The following SLC8A1 variants were observed in gnomAD, a reference collection of about 807,000 sequenced individuals.
The protein encoded by SLC8A1 is sodium/calcium exchanger 1.
A neutral mutation model predicts 68.3 loss-of-function variants in SLC8A1; 18 were observed. That is an observed-to-expected ratio of 0.26 (90% CI 0.18 to 0.39). The LOEUF (loss-of-function observed/expected upper bound fraction) is 0.39. SLC8A1 is among the 10% of genes least tolerant of loss of function. The pLI is 1.00. For missense variants in SLC8A1, 985 were observed against 1,156.7 expected (o/e 0.85, Z 2.15); for synonymous variants, 475 against 415.5 (o/e 1.14, Z -1.74).
chr2:40,339,748 T>C (rs1667106114), intron 2 of SLC8A1, among the ~76,000 whole-genome samples: 1 of 152,180 alleles, frequency 6.6e-6, no homozygotes, highest in Non-Finnish European at 1.5e-5. Flanking sequence ...GAGTTGGGCA[T>C]TGTGAAATAC....
exon 3 of SLC8A1, chr2:40,177,778 G>C: frequency 6.5e-7 from 1 of 1,549,528 alleles, no homozygotes; most frequent in Non-Finnish European, 8.7e-7. Flanking sequence ...TATCCATTTT[G>C]GTTCCTCAAG....
chr2:40,452,552 C>T (rs954015103), upstream of SLC8A1, among the ~76,000 whole-genome samples: 1 of 152,202 alleles, frequency 6.6e-6, no homozygotes, highest in African/African-American at 2.4e-5. Context: ...CCCAATTCGC[C>T]TACCCGTTTC....
intron 7 of SLC8A1, chr2:40,117,133 A>C (rs1272956710): frequency 6.6e-6 from 1 of 152,160 alleles, no homozygotes; most frequent in Non-Finnish European, 1.5e-5. Context: ...ACACAATATA[A>C]ACCGAGCAGG....
chr2:40,385,013 T>C (rs559502819), intron 2 of SLC8A1, among the ~76,000 whole-genome samples: 1 of 152,184 alleles, frequency 6.6e-6, no homozygotes, highest in East Asian at 1.9e-4. Flanking sequence ...CTAAGTGATA[T>C]AGTACTTTCT....
intron 2 of SLC8A1, among the ~76,000 whole-genome samples, chr2:40,426,739 T>C (rs1240586749): frequency 6.6e-6 from 1 of 152,040 alleles, no homozygotes; most frequent in Non-Finnish European, 1.5e-5. Context: ...ATGAGTTCAT[T>C]TAACGACATG....
In SLC8A1 at chr2:40,119,539, A is replaced by C. The variant is rs140018897; in HGVS notation, c.2438-3910T>G. On this transcript the variant is annotated intron_variant, in intron 7 of 7. Coordinates refer to ENST00000406785, the Ensembl canonical transcript of SLC8A1. ...GCCCTACTTTGAACACTAAGCCTGT[A>C]ACCTGCCTATGGTTAAACCAGGCAA... 1.3e-3 allele frequency among the ~76,000 whole-genome samples: 195 copies of C among 152,318 alleles called. 1 individual carries two copies. Among genetic ancestry groups the C allele is most frequent in the African/African-American group, 4.4e-3 (184 of 41,568 alleles).
At chr2:40,200,222 T>TATATATAAATATATATATATA (rs1558722368) in intron 2 of SLC8A1, among the ~76,000 whole-genome samples, 2 of 5,176 alleles carry the variant, frequency 3.9e-4, no homozygotes, top group Non-Finnish European at 1.0e-3. Flanking sequence ...ATATATATTT[T>TATATATAAATATATATATATA]TTTATATATA....
At chr2:40,344,011 G>C (rs966252902) in intron 2 of SLC8A1, among the ~76,000 whole-genome samples, 3 of 152,310 alleles carry the variant, frequency 2.0e-5, no homozygotes, top group Admixed American at 6.5e-5. Flanking sequence ...ACAGCTTTAT[G>C]AGCAAGAGAG....
At chr2:40,180,985 G>A (rs967814852) in intron 2 of SLC8A1, among the ~76,000 whole-genome samples, 10 of 151,786 alleles carry the variant, frequency 6.6e-5, no homozygotes, top group African/African-American at 2.4e-4. Context: ...TTGAGATGGA[G>A]TCTCACTCTT....
intron 2 of SLC8A1, among the ~76,000 whole-genome samples, chr2:40,329,875 G>A (rs2149369509): frequency 6.6e-6 from 1 of 152,240 alleles, no homozygotes; most frequent in Admixed American, 6.5e-5. Context: ...TAGGATAGAG[G>A]GGAAAGAGAG....
intron 2 of SLC8A1, among the ~76,000 whole-genome samples, chr2:40,362,261 G>T (rs1444309602): frequency 6.6e-6 from 1 of 151,104 alleles, no homozygotes; most frequent in African/African-American, 2.4e-5. Flanking sequence ...TGTCTAATAG[G>T]TACTGGAAAA....
exon 2 of SLC8A1, chr2:40,428,989 C>T (rs1231443890): frequency 1.2e-6 from 2 of 1,613,710 alleles, no homozygotes; most frequent in African/African-American, 1.3e-5. Context: ...ACCACCTCTG[C>T]GGATAATGGT....
chr2:40,146,561 T>G (rs1172454681), intron 6 of SLC8A1, among the ~76,000 whole-genome samples: 1 of 152,096 alleles, frequency 6.6e-6, no homozygotes, highest in Non-Finnish European at 1.5e-5. Context: ...TGTTATGTAC[T>G]CACCATAATG....
intron 2 of SLC8A1, among the ~76,000 whole-genome samples, chr2:40,221,942 G>T (rs997230998): frequency 6.6e-6 from 1 of 152,128 alleles, no homozygotes; most frequent in Admixed American, 6.5e-5. Context: ...TGGCCATACT[G>T]CCCAAAGTAA....
chr2:40,479,988 A>G (rs995999491), intron 1 of SLC8A1, among the ~76,000 whole-genome samples: 11 of 152,138 alleles, frequency 7.2e-5, no homozygotes, highest in Non-Finnish European at 1.5e-5. Context: ...GACCTATGAT[A>G]AGGTTTCCAC....
chr2:40,154,865 A>G lies in SLC8A1; in HGVS notation c.2161+5900T>C, dbSNP rs193189859. ...TTTTTTGTAGAGATGGGGTTTCACTATGTTGCATAGGCTGGTTTTGAACTC... is the reference window on the plus strand; with the variant it reads ...TTTTTTGTAGAGATGGGGTTTCACTGTGTTGCATAGGCTGGTTTTGAACTC... On this transcript the variant is annotated intron_variant, in intron 6 of 7. Coordinates refer to ENST00000406785, the Ensembl canonical transcript of SLC8A1. Among the ~76,000 whole-genome samples the G allele has an allele frequency of 7.7e-4, 117 of 152,078 alleles. 1 individual carries two copies. The highest frequency in any genetic ancestry group is 1.1e-3 in the Non-Finnish European group (78 of 67,992).
chr2:40,241,876 TCA>T (rs1327411963), intron 2 of SLC8A1, among the ~76,000 whole-genome samples: 1 of 91,242 alleles, frequency 1.1e-5, no homozygotes. Context: ...AAAATAGATA[TCA>T]GTTTTTTTCT....
intron 1 of SLC8A1, among the ~76,000 whole-genome samples, chr2:40,488,523 A>G (rs1373909892): frequency 6.6e-6 from 1 of 151,966 alleles, no homozygotes; most frequent in African/African-American, 2.4e-5. Context: ...GAAAATGAAC[A>G]TGTTCCCTTT....
chr2:40,509,437 ATTT>A (rs367549288), intron 1 of SLC8A1, among the ~76,000 whole-genome samples: 23 of 113,728 alleles, frequency 2.0e-4, no homozygotes, highest in African/African-American at 7.4e-4. Context: ...GGGATTTGGA[ATTT>A]TTTTTTTTTT....
Sources: allele counts gnomAD v4.1 joint callset (sites outside exome capture counted in the v4.1 genomes callset), GRCh38; gene constraint gnomAD v4.1.1; transcripts MANE v1.5; gene names NCBI Gene and HGNC (gene_info 2026-07-23, HGNC 2026-07-21).